Variants in BEST4 observed in about 807,000 individuals in gnomAD.
BEST4 encodes bestrophin 4, also known as bestrophin-4.
Under a neutral mutation model 47.1 loss-of-function variants are expected in BEST4, and 36 were observed. The observed-to-expected ratio is 0.76, with a 90% CI of 0.59 to 1.01. The LOEUF (loss-of-function observed/expected upper bound fraction) is 1.01, where lower values mean the gene tolerates loss of function less well. Ranked by LOEUF, BEST4 falls within the 50% of genes least tolerant of loss-of-function variation. The pLI is 0.00. For synonymous variants in BEST4, 250 were observed against 277.8 expected, an observed-to-expected ratio of 0.90 and a Z score of 1.00; for missense variants, 550 against 648.6, an observed-to-expected ratio of 0.85 and a Z score of 1.65.
chr1:44,788,461 T>A (rs1446971812), upstream of BEST4, among the ~76,000 whole-genome samples: 3 of 152,166 alleles, frequency 2.0e-5, no homozygotes, highest in African/African-American at 7.2e-5. Context: ...ACTGTTATAA[T>A]AATACCAGCT....
In BEST4 at chr1:44,784,350, G is replaced by A. The variant is rs1475333235; in HGVS notation, c.1282C>T (p.Arg428Trp). 4 of 1,392,146 alleles carry A rather than the reference G, an allele frequency of 2.9e-6. No homozygotes were observed. Among genetic ancestry groups the A allele is most frequent in the Admixed American group, 7.1e-5 (2 of 28,268 alleles). The allele number at this position is 1,392,146 out of a possible 1,614,324, so 86.2% of individuals were successfully genotyped here. ...VGAPSPAISL[R>W]NFGRVRGTPR... is the part of the protein sequence containing the mutation. ...GTGCCTCGCACGCGGCCGAAGTTCC[G>A]GAGGCTGATGGCCGGGGAGGGCGCC... The change falls in exon 9 of 9, where the codon CGG (arginine) becomes TGG (tryptophan). Residue 428 changes from arginine to tryptophan, a missense_variant. This residue lies in a region of BEST4 where 255 missense variants were observed against 286.6 expected (regional missense o/e 0.89). Coordinates refer to ENST00000372207, the MANE Select transcript of BEST4 (RefSeq NM_153274.3). This position sits in a 1 kb window ranked among gnomAD's most constrained non-coding sequence, Gnocchi z 6.2.
chr1:44,784,513 G>A lies in BEST4; in HGVS notation c.1149-30C>T, dbSNP rs1651147045. 1.3e-6 allele frequency: 2 copies of A among 1,483,920 alleles called. No homozygotes were observed. The highest frequency in any genetic ancestry group is 1.8e-6 in the Non-Finnish European group (2 of 1,120,184). The allele number at this position is 1,483,920 out of a possible 1,614,324, so 91.9% of individuals were successfully genotyped here. A position where few individuals can be genotyped will look rare whatever the true frequency, so the allele number is the denominator to read the frequency against. On this transcript the variant is annotated intron_variant, in intron 8 of 8. Transcript: ENST00000372207. The surrounding 1 kb of genome is among the most constrained non-coding windows in gnomAD (Gnocchi z 6.2). The stretch of plus-strand genomic sequence containing the variant: ...GGGCGGGAGGGCGGGCTGAGCCGGG[G>A]CACAGGGCGGGAGCGGGGACGCGGG...
At position 44,784,900 on chromosome 1, in the gene BEST4, C is replaced by T; in HGVS notation, c.993+5G>A. 6 of 1,614,108 alleles carry T rather than the reference C, an allele frequency of 3.7e-6. No individual in the cohort carries two copies. The highest frequency in any genetic ancestry group is 1.1e-5 in the South Asian group (1 of 91,084). On this transcript the variant is annotated splice_donor_5th_base_variant and intron_variant, in intron 7 of 8. Coordinates refer to ENST00000372207, the MANE Select transcript of BEST4 (RefSeq NM_153274.3). This position sits in a 1 kb window ranked among gnomAD's most constrained non-coding sequence, Gnocchi z 6.2. Reference sequence around the variant, plus strand: ...CCTGGACTCCTGATCCTGATGCTTGCTCACCTGCAAGTTGCGGTCTATGAG... The same window carrying T: ...CCTGGACTCCTGATCCTGATGCTTGTTCACCTGCAAGTTGCGGTCTATGAG...
upstream of BEST4, among the ~76,000 whole-genome samples, chr1:44,789,804 T>C (rs554658817): frequency 2.6e-5 from 4 of 152,344 alleles, no homozygotes; most frequent in African/African-American, 7.2e-5. Flanking sequence ...AAGTGAACAC[T>C]GAAAAATCCC....
chr1:44,783,392 C>CTG (rs34114172), downstream of BEST4, among the ~76,000 whole-genome samples: 68,167 of 151,676 alleles, frequency 0.45, 16,046 homozygotes, highest in African/African-American at 0.59. Flanking sequence ...GCTTGGCACA[C>CTG]AAGTCCAAAT....
upstream of BEST4, among the ~76,000 whole-genome samples, chr1:44,791,153 C>T (rs530973820): frequency 1.3e-3 from 190 of 151,896 alleles, no homozygotes; most frequent in Non-Finnish European, 2.4e-3. Flanking sequence ...CATGGCCTGA[C>T]TGGCGTTACA....
In BEST4 at chr1:44,786,443, G is replaced by A. The variant is rs1276312281; in HGVS notation, c.481+20C>T. The A allele has an allele frequency of 6.7e-7, 1 of 1,496,788 alleles. No homozygotes were observed. The highest frequency in any genetic ancestry group is 2.5e-5 in the East Asian group (1 of 40,350). The allele number at this position is 1,496,788 out of a possible 1,614,324, so 92.7% of individuals were successfully genotyped here. On this transcript the variant is annotated intron_variant, in intron 3 of 8. Coordinates refer to ENST00000372207, the MANE Select transcript of BEST4 (RefSeq NM_153274.3). This position sits in a 1 kb window ranked among gnomAD's most constrained non-coding sequence, Gnocchi z 4.9. ...CCGGCTGTGGGCCGGACCCCCAGAGGCTCCCGGCGGGCGGCGCACCTGCGT... is the reference window on the plus strand; with the variant it reads ...CCGGCTGTGGGCCGGACCCCCAGAGACTCCCGGCGGGCGGCGCACCTGCGT...
rs953353054 is a variant in BEST4, at chr1:44,784,456, C to T, written c.1176G>A (p.Leu392=). 6 of 1,443,642 alleles carry T rather than the reference C, an allele frequency of 4.2e-6. No homozygotes were observed. The highest frequency in any genetic ancestry group is 2.8e-5 in the South Asian group (2 of 70,540). 89.4% of individuals were successfully genotyped at this position (1,443,642 alleles called of 1,614,324 possible). A position where few individuals can be genotyped will look rare whatever the true frequency, so the allele number is the denominator to read the frequency against. ...LRMSDDPEQS[L]QVEASPGSGR... is the part of the protein sequence containing the mutation. ...CAGATCCGGGGGACGCCTCCACCTGCAGGCTCTGCTCAGGGTCGTCGCTCA... is the reference window on the plus strand; with the variant it reads ...CAGATCCGGGGGACGCCTCCACCTGTAGGCTCTGCTCAGGGTCGTCGCTCA... The change falls in exon 9 of 9, where the codon CTG becomes CTA. Residue 392 remains leucine (L), a synonymous_variant. Coordinates refer to ENST00000372207, the MANE Select transcript of BEST4 (RefSeq NM_153274.3). This position sits in a 1 kb window ranked among gnomAD's most constrained non-coding sequence, Gnocchi z 6.2.
At position 44,787,832 on chromosome 1, in the gene BEST4, G is replaced by C. The variant is rs531299435; in HGVS notation, c.-127C>G. The C allele has an allele frequency of 3.4e-6, 4 of 1,164,502 alleles. No individual in the cohort carries two copies. Among genetic ancestry groups the C allele is most frequent in the Admixed American group, 4.6e-5 (2 of 43,128 alleles). 72.1% of individuals were successfully genotyped at this position (1,164,502 alleles called of 1,614,324 possible). A position where few individuals can be genotyped will look rare whatever the true frequency, so the allele number is the denominator to read the frequency against. On this transcript the variant is annotated 5_prime_UTR_variant, in exon 1 of 9. Coordinates refer to ENST00000372207, the MANE Select transcript of BEST4 (RefSeq NM_153274.3). ...CCTTCACCCTGCGTCAGTGGACAAG[G>C]GGGTAGGAGCCTGCAGAGCAGAAAA...
At chr1:44,782,012 A>T (rs978754834), downstream of BEST4, among the ~76,000 whole-genome samples, 2 of 152,084 alleles carry the variant, frequency 1.3e-5, no homozygotes, top group Non-Finnish European at 2.9e-5. Flanking sequence ...AACATACAAA[A>T]AATTAGCAGG....
rs1651106243 is a variant in BEST4 at position 44,783,655 on chromosome 1, C to T, written c.*555G>A. 1 of 152,386 alleles carries T rather than the reference C, an allele frequency of 6.6e-6. No individual in the cohort carries two copies. Among genetic ancestry groups the T allele is most frequent in the South Asian group, 2.1e-4 (1 of 4,826 alleles). The allele number at this position is 152,386 out of a possible 1,614,324, so 9.4% of individuals were successfully genotyped here. ...ACATTACAAACAAGGCAAAAGTCCC[C>T]CAGCACACACTGACCCTTCTTTTGA... is the stretch of plus-strand genomic sequence containing the variant. On this transcript the variant is annotated 3_prime_UTR_variant, in exon 9 of 9. Transcript: ENST00000372207.
At position 44,784,193 on chromosome 1, in the gene BEST4, C is replaced by A. The variant is rs1480182773; in HGVS notation, c.*17G>T. 4 of 1,385,942 alleles carry A rather than the reference C, an allele frequency of 2.9e-6. No homozygotes were observed. The highest frequency in any genetic ancestry group is 3.7e-6 in the Non-Finnish European group (4 of 1,078,276). 85.9% of individuals were successfully genotyped at this position (1,385,942 alleles called of 1,614,324 possible). A position where few individuals can be genotyped will look rare whatever the true frequency, so the allele number is the denominator to read the frequency against. On this transcript the variant is annotated 3_prime_UTR_variant, in exon 9 of 9. Transcript: ENST00000372207. This position sits in a 1 kb window ranked among gnomAD's most constrained non-coding sequence, Gnocchi z 6.2. ...AGGGCAGTGGGTGGGGGAAACCGGG[C>A]GGGGGCAGGCGAGACCTCAGGGCTC...
At chr1:44,789,164 C>T (rs372454331), upstream of BEST4, among the ~76,000 whole-genome samples, 16 of 144,208 alleles carry the variant, frequency 1.1e-4, no homozygotes, top group East Asian at 2.6e-3. Context: ...GAGGCTGAGG[C>T]AGGAGAATTG....
Position 44,786,356 on chromosome 1 carries a change from C to T in BEST4, c.481+107G>A. On this transcript the variant is annotated intron_variant, in intron 3 of 8. Coordinates refer to ENST00000372207, the MANE Select transcript of BEST4 (RefSeq NM_153274.3). This position sits in a 1 kb window ranked among gnomAD's most constrained non-coding sequence, Gnocchi z 4.9. ...AGGACTCGCGGTTCCGCGTTCCTGTCGCAGTCCAGACCCTTCCCTGGAGGC... is the reference window on the plus strand; with the variant it reads ...AGGACTCGCGGTTCCGCGTTCCTGTTGCAGTCCAGACCCTTCCCTGGAGGC... 6.9e-7 allele frequency: 1 copy of T among 1,446,466 alleles called. No individual in the cohort carries two copies. Among genetic ancestry groups the T allele is most frequent in the Non-Finnish European group, 9.3e-7 (1 of 1,080,326 alleles). 89.6% of individuals were successfully genotyped at this position (1,446,466 alleles called of 1,614,324 possible). A position where few individuals can be genotyped will look rare whatever the true frequency, so the allele number is the denominator to read the frequency against.
rs1484368020 is a variant in BEST4, at chr1:44,786,400, C to G, written c.481+63G>C. On this transcript the variant is annotated intron_variant, in intron 3 of 8. Coordinates refer to ENST00000372207, the MANE Select transcript of BEST4 (RefSeq NM_153274.3). This position sits in a 1 kb window ranked among gnomAD's most constrained non-coding sequence, Gnocchi z 4.9. ...TGGAGGCCCCTGCTCCCAGGACTCT[C>G]CCAGGCGCCACCTGCATCCGGCTGT... 1 of 1,449,162 alleles carries G rather than the reference C, an allele frequency of 6.9e-7. No homozygotes were observed. The highest frequency in any genetic ancestry group is 1.4e-5 in the African/African-American group (1 of 70,422). The allele number at this position is 1,449,162 out of a possible 1,614,324, so 89.8% of individuals were successfully genotyped here.
chr1:44,782,848 C>T (rs1248060417), downstream of BEST4, among the ~76,000 whole-genome samples: 1 of 152,048 alleles, frequency 6.6e-6, no homozygotes, highest in East Asian at 1.9e-4. Context: ...TTTTGGCCTT[C>T]ACTGATTTCT....
chr1:44,790,265 A>G (rs1006588458), upstream of BEST4, among the ~76,000 whole-genome samples: 1 of 152,220 alleles, frequency 6.6e-6, no homozygotes, highest in Non-Finnish European at 1.5e-5. Context: ...AACCTGCCCC[A>G]GACCAAACAG....
chr1:44,785,382 A>G (rs1651181905), intron 5 of BEST4, 77 bp from the exon 6 acceptor site: 1 of 1,436,392 alleles, frequency 7.0e-7, no homozygotes, highest in Non-Finnish European at 9.4e-7. Flanking sequence ...CTGAGGATCT[A>G]TGGGAAGTCT....
At position 44,788,154 on chromosome 1, in the gene BEST4, C is replaced by T. The variant is rs879324119; in HGVS notation, c.-449G>A. ...TGCCTACCTGCTCTGGGCAGCAGCCCGTGTGGAAGATGAACTGGGCTAGAC... is the reference window on the plus strand; with the variant it reads ...TGCCTACCTGCTCTGGGCAGCAGCCTGTGTGGAAGATGAACTGGGCTAGAC... On this transcript the variant is annotated 5_prime_UTR_variant, in exon 1 of 9. Transcript: ENST00000372207. 1.1e-4 allele frequency among the ~76,000 whole-genome samples: 17 copies of T among 152,232 alleles called. No individual in the cohort carries two copies. Among genetic ancestry groups the T allele is most frequent in the Admixed American group, 9.2e-4 (14 of 15,292 alleles).
Sources: gnomAD v4.1 joint callset for allele counts (sites outside exome capture counted in the v4.1 genomes callset) on GRCh38, gnomAD v4.1.1 for gene constraint, gnomAD v4.1.1 regional missense constraint, Gnocchi (gnomAD v3.1) non-coding constraint, MANE v1.5 for transcripts, NCBI Gene and HGNC (gene_info 2026-07-23, HGNC 2026-07-21) for gene names.